Variants in TMEM132B observed in about 807,000 individuals in gnomAD.
TMEM132B encodes transmembrane protein 132B.
TMEM132B carries 18 observed loss-of-function variants against 90.8 expected under a neutral mutation model. The observed-to-expected ratio is 0.20, with a 90% CI of 0.14 to 0.29. The LOEUF (loss-of-function observed/expected upper bound fraction) is 0.29. Among genes scored for constraint, TMEM132B ranks in the 10% least tolerant of loss-of-function variants. The pLI, the probability that TMEM132B is intolerant of heterozygous loss-of-function variation, is 1.00. For missense variants in TMEM132B, 1,096 were observed against 1,326.8 expected (o/e 0.83, Z 2.70); for synonymous variants, 504 against 523.3 (o/e 0.96, Z 0.50).
intron 1 of TMEM132B, among the ~76,000 whole-genome samples, chr12:125,194,595 C>T (rs895727040): frequency 6.6e-5 from 10 of 152,126 alleles, no homozygotes; most frequent in Middle Eastern, 6.8e-3. Context: ...TGTACTCTGC[C>T]GACGTATTTA....
Position 125,518,639 on chromosome 12 carries a change from C to T in TMEM132B, c.1107-800C>T, listed in dbSNP as rs75173973. ...TGTCAATGCGATAGCCTGCAATTTA[C>T]AAGTCCATGTCAATGACAAGGGGCT... is the stretch of plus-strand genomic sequence containing the variant. On this transcript the variant is annotated intron_variant, in intron 3 of 8. Transcript: ENST00000682704. 8.5e-5 allele frequency among the ~76,000 whole-genome samples: 13 copies of T among 152,354 alleles called. No individual in the cohort carries two copies. In the East Asian group the frequency reaches 2.5e-3, roughly 29 times the overall value.
chr12:125,418,308 CAG>C (rs1388178387), intron 3 of TMEM132B, among the ~76,000 whole-genome samples: 1 of 152,066 alleles, frequency 6.6e-6, no homozygotes, highest in Non-Finnish European at 1.5e-5. Context: ...GTTATATAAG[CAG>C]AGTTACATAA....
intron 1 of TMEM132B, among the ~76,000 whole-genome samples, chr12:125,218,250 C>T (rs949233507): frequency 1.3e-5 from 2 of 151,798 alleles, no homozygotes; most frequent in African/African-American, 2.4e-5. Flanking sequence ...TTGTATTCTT[C>T]GAATTTCATG....
rs1044533988 is a variant in TMEM132B at position 125,490,334 on chromosome 12, G to C, written c.1107-29105G>C. Among the ~76,000 whole-genome samples, 12 of 152,114 alleles carry C rather than the reference G, an allele frequency of 7.9e-5. No individual in the cohort carries two copies. Among genetic ancestry groups the C allele is most frequent in the Non-Finnish European group, 2.9e-5 (2 of 68,028 alleles). Reference sequence around the variant, plus strand: ...AAAGACAGAAGGGGAATTCATACCCGTATCTGCCCAGCCTCAAAGTTCAAC... The same window carrying C: ...AAAGACAGAAGGGGAATTCATACCCCTATCTGCCCAGCCTCAAAGTTCAAC... On this transcript the variant is annotated intron_variant, in intron 3 of 8. Transcript: ENST00000682704. The surrounding 1 kb of genome is among the most constrained non-coding windows in gnomAD (Gnocchi z 4.2).
chr12:125,504,564 C>T (rs1566056364), intron 3 of TMEM132B, among the ~76,000 whole-genome samples: 1 of 152,102 alleles, frequency 6.6e-6, no homozygotes, highest in African/African-American at 2.4e-5. Flanking sequence ...TGTAATGGCA[C>T]CTGCCTGCAA....
chr12:125,654,914 G>A lies in TMEM132B; in HGVS notation c.*204G>A, dbSNP rs1887024019. The A allele has an allele frequency of 8.6e-6, 5 of 578,818 alleles. No homozygotes were observed. Among genetic ancestry groups the A allele is most frequent in the African/African-American group, 1.9e-5 (1 of 53,616 alleles). 35.9% of individuals were successfully genotyped at this position (578,818 alleles called of 1,614,324 possible). A position where few individuals can be genotyped will look rare whatever the true frequency, so the allele number is the denominator to read the frequency against. ...GGAAATGCCTCTAAAACAGCCACAT[G>A]TGGGGACTGGAGAAATTCTAAGACA... On this transcript the variant is annotated 3_prime_UTR_variant, in exon 9 of 9. Coordinates refer to ENST00000682704, the MANE Select transcript of TMEM132B (RefSeq NM_001366854.1). The surrounding 1 kb of genome is among the most constrained non-coding windows in gnomAD (Gnocchi z 5.8).
rs554611304 is a variant in TMEM132B, at chr12:125,428,983, A to G, written c.1106+13306A>G. On this transcript the variant is annotated intron_variant, in intron 3 of 8. Transcript: ENST00000682704. ...ATCACATGATCCTCTTTTAAAAATA[A>G]TAATAGACTTTATTTTTCAGAGTGG... Among the ~76,000 whole-genome samples, 26 of 152,304 alleles carry G rather than the reference A, an allele frequency of 1.7e-4. No individual in the cohort carries two copies. In the South Asian group the frequency reaches 4.6e-3, roughly 27 times the overall value.
chr12:125,557,592 A>G (rs1884422900), intron 4 of TMEM132B, among the ~76,000 whole-genome samples: 1 of 152,228 alleles, frequency 6.6e-6, no homozygotes, highest in South Asian at 2.1e-4. Context: ...AGTAGGATGC[A>G]TTTAAGGAAG....
At chr12:125,194,480 G>A (rs941789789) in intron 1 of TMEM132B, among the ~76,000 whole-genome samples, 1 of 152,098 alleles carries the variant, frequency 6.6e-6, no homozygotes, top group Non-Finnish European at 1.5e-5. Context: ...GCCTTCCAAG[G>A]GGTCTTGGCT....
intron 1 of TMEM132B, among the ~76,000 whole-genome samples, chr12:125,303,600 C>A (rs1040001267): frequency 2.0e-5 from 3 of 152,196 alleles, no homozygotes; most frequent in Non-Finnish European, 2.9e-5. Flanking sequence ...TATATTTTCG[C>A]CAGCAATCTG....
chr12:125,392,402 A>T (rs1361167901), intron 2 of TMEM132B, among the ~76,000 whole-genome samples: 4 of 152,310 alleles, frequency 2.6e-5, no homozygotes, highest in African/African-American at 9.6e-5. Context: ...CTTAATGCTC[A>T]AGGCTGCCAT....
At chr12:125,302,894 C>T (rs1054754210) in intron 1 of TMEM132B, among the ~76,000 whole-genome samples, 3 of 152,058 alleles carry the variant, frequency 2.0e-5, no homozygotes, top group South Asian at 4.1e-4. Flanking sequence ...GTTAGGAGAT[C>T]GAGACCAGCC....
chr12:125,324,613 C>A (rs1170957340), intron 1 of TMEM132B, among the ~76,000 whole-genome samples: 1 of 152,174 alleles, frequency 6.6e-6, no homozygotes, highest in Non-Finnish European at 1.5e-5. Context: ...GGATCAGCGG[C>A]AGCATTAGAG....
intron 1 of TMEM132B, among the ~76,000 whole-genome samples, chr12:125,242,433 C>G (rs541429258): frequency 3.9e-5 from 6 of 152,184 alleles, no homozygotes; most frequent in African/African-American, 1.4e-4. Flanking sequence ...ATTTTATCCT[C>G]GAGGAAACTG....
chr12:125,441,823 C>T (rs7138970), intron 3 of TMEM132B, among the ~76,000 whole-genome samples: 9,634 of 152,212 alleles, frequency 0.063, 942 homozygotes, highest in African/African-American at 0.21. Flanking sequence ...GATTTTGTTG[C>T]AGGCTTATGG....
intron 5 of TMEM132B, among the ~76,000 whole-genome samples, chr12:125,634,315 C>T (rs1886432852): frequency 6.6e-6 from 1 of 152,204 alleles, no homozygotes. Flanking sequence ...GAGACTCACC[C>T]TGCAGGGCAG....
At chr12:125,430,157 TA>T (rs1317368709) in intron 3 of TMEM132B, among the ~76,000 whole-genome samples, 4 of 152,216 alleles carry the variant, frequency 2.6e-5, no homozygotes, top group Non-Finnish European at 4.4e-5. Flanking sequence ...AAAATATTAC[TA>T]AATGAATGAA....
At chr12:125,236,257 T>C (rs1253043864) in intron 1 of TMEM132B, among the ~76,000 whole-genome samples, 2 of 152,186 alleles carry the variant, frequency 1.3e-5, no homozygotes, top group African/African-American at 4.8e-5. Context: ...GTGATTCTTG[T>C]GCCTCAGCCT....
At chr12:125,378,370 TC>T (rs1478313444) in intron 2 of TMEM132B, among the ~76,000 whole-genome samples, 5 of 152,164 alleles carry the variant, frequency 3.3e-5, no homozygotes, top group African/African-American at 1.2e-4. Flanking sequence ...TACCATCAAA[TC>T]CAATGACAGT....
Sources: gnomAD v4.1 joint callset for allele counts (sites outside exome capture counted in the v4.1 genomes callset) on GRCh38, gnomAD v4.1.1 for gene constraint, Gnocchi (gnomAD v3.1) non-coding constraint, MANE v1.5 for transcripts, NCBI Gene and HGNC (gene_info 2026-07-23, HGNC 2026-07-21) for gene names.